Variants in RPTOR observed in about 807,000 individuals in gnomAD.
The protein encoded by RPTOR is regulatory associated protein of MTOR complex 1.
Under a neutral mutation model 169.9 loss-of-function variants are expected in RPTOR, and 21 were observed. That is an observed-to-expected ratio of 0.12 (90% CI 0.09 to 0.18). The LOEUF (loss-of-function observed/expected upper bound fraction) is 0.18, where lower values mean the gene tolerates loss of function less well. Ranked by LOEUF, RPTOR falls within the 10% of genes least tolerant of loss-of-function variation. The pLI is 1.00. For synonymous variants in RPTOR, 732 were observed against 753.2 expected, an observed-to-expected ratio of 0.97 and a Z score of 0.46; for missense variants, 1,133 against 1,855.9, an observed-to-expected ratio of 0.61 and a Z score of 7.16.
intron 2 of RPTOR, among the ~76,000 whole-genome samples, chr17:80,629,479 CGCTGTTGG>C (rs1567827968): frequency 2.3e-5 from 3 of 128,300 alleles, no homozygotes; most frequent in Admixed American, 8.1e-5. Context: ...CTATGTATTG[CGCTGTTGG>C]ACATTGTACC....
rs1226456124 is a variant in RPTOR, at chr17:80,711,744, C to CTTTTTTTTTTTTTTTTTTTTTTTTTTT, written c.507+3761_507+3762insTTTTTTTTTTTTTTTTTTTTTTTTTTT. ...AGTTAACATATAGTTATACATCAGT[C>CTTTTTTTTTTTTTTTTTTTTTTTTTTT]TTTTTTTTTTTTTTTTGAGGTTAAG... On this transcript the variant is annotated intron_variant, in intron 4 of 33. Transcript: ENST00000306801. Among the ~76,000 whole-genome samples the CTTTTTTTTTTTTTTTTTTTTTTTTTTT allele has an allele frequency of 1.1e-3, 99 of 88,810 alleles. 26 individuals carry two copies. Among genetic ancestry groups the CTTTTTTTTTTTTTTTTTTTTTTTTTTT allele is most frequent in the African/African-American group, 4.3e-3 (68 of 15,638 alleles). 58.3% of individuals were successfully genotyped at this position (88,810 alleles called of 152,430 possible).
At chr17:80,940,676 G>GC in intron 25 of RPTOR, 75 bp downstream of exon 25, 2 of 1,190,076 alleles carry the variant, frequency 1.7e-6, no homozygotes, top group South Asian at 1.4e-5. Flanking sequence ...CTGTGAGCAG[G>GC]CCCCCCGCGG....
intron 3 of RPTOR, among the ~76,000 whole-genome samples, chr17:80,683,283 G>T (rs761903863): frequency 6.6e-6 from 1 of 152,108 alleles, no homozygotes; most frequent in African/African-American, 2.4e-5. Flanking sequence ...CTCAGTTTGC[G>T]TTTTCCTCCT....
intron 7 of RPTOR, among the ~76,000 whole-genome samples, chr17:80,811,728 G>GCCATGC (rs2067275018): frequency 7.1e-6 from 1 of 140,980 alleles, no homozygotes; most frequent in Non-Finnish European, 1.5e-5. Flanking sequence ...AAGGGACACC[G>GCCATGC]CCTCTCTCCA....
intron 2 of RPTOR, among the ~76,000 whole-genome samples, chr17:80,632,376 G>A (rs1354915542): frequency 2.6e-5 from 4 of 152,216 alleles, no homozygotes; most frequent in Non-Finnish European, 4.4e-5. Context: ...TGTCATCTGA[G>A]GATCCAGTTG....
chr17:80,552,006 G>A (rs1414804952), intron 1 of RPTOR, among the ~76,000 whole-genome samples: 1 of 152,180 alleles, frequency 6.6e-6, no homozygotes, highest in Non-Finnish European at 1.5e-5. Flanking sequence ...TTAACCCTGA[G>A]TTTGACACAG....
intron 1 of RPTOR, among the ~76,000 whole-genome samples, chr17:80,577,450 C>G (rs557193698): frequency 6.6e-6 from 1 of 152,088 alleles, no homozygotes; most frequent in African/African-American, 2.4e-5. Context: ...GCAAGTTTTA[C>G]ATTTTTTTTA....
intron 10 of RPTOR, among the ~76,000 whole-genome samples, chr17:80,843,531 C>T (rs2067693492): frequency 6.6e-6 from 1 of 151,534 alleles, no homozygotes; most frequent in Admixed American, 6.6e-5. Context: ...TAAAGAGAAC[C>T]CTTCTGCAAA....
At chr17:80,684,413 T>A (rs2065920534) in intron 3 of RPTOR, among the ~76,000 whole-genome samples, 1 of 34,246 alleles carries the variant, frequency 2.9e-5, no homozygotes, top group Non-Finnish European at 1.0e-4. Flanking sequence ...TGTTTATTTA[T>A]TTATTTATTT....
intron 4 of RPTOR, among the ~76,000 whole-genome samples, chr17:80,720,724 C>T (rs1201871192): frequency 1.3e-5 from 2 of 152,212 alleles, no homozygotes; most frequent in African/African-American, 4.8e-5. Flanking sequence ...TTGAGTGCGC[C>T]CAGCATCACC....
At chr17:80,674,048 C>A (rs2065842624) in intron 3 of RPTOR, among the ~76,000 whole-genome samples, 1 of 152,154 alleles carries the variant, frequency 6.6e-6, no homozygotes, top group Non-Finnish European at 1.5e-5. Context: ...GGTGCATTGC[C>A]CCCATCAACT....
chr17:80,684,417 T>G (rs1262696020), intron 3 of RPTOR, among the ~76,000 whole-genome samples: 1 of 105,178 alleles, frequency 9.5e-6, no homozygotes, highest in African/African-American at 3.2e-5. Context: ...TATTTATTTA[T>G]TTATTTATTT....
intron 9 of RPTOR, among the ~76,000 whole-genome samples, chr17:80,824,981 C>T (rs995714307): frequency 1.3e-5 from 2 of 151,848 alleles, no homozygotes; most frequent in Admixed American, 6.6e-5. Flanking sequence ...ATCTAGAGGC[C>T]GCGTGGCGAG....
intron 1 of RPTOR, among the ~76,000 whole-genome samples, chr17:80,607,469 G>T (rs1480666383): frequency 2.0e-5 from 3 of 151,976 alleles, no homozygotes; most frequent in Admixed American, 6.6e-5. Context: ...TCTGTAACCT[G>T]TCCTGCTTTC....
At chr17:80,859,893 A>G (rs2067898267) in intron 13 of RPTOR, among the ~76,000 whole-genome samples, 1 of 152,212 alleles carries the variant, frequency 6.6e-6, no homozygotes, top group Admixed American at 6.5e-5. Context: ...AGCAGGGGCC[A>G]CATAGCTGCC....
rs776346134 is a variant in RPTOR at position 80,892,810 on chromosome 17, C to G, written c.2183C>G (p.Ala728Gly). ...RSVSSYGNIR[A>G]VATARSLNKS... is the part of the protein sequence containing the mutation. ...GTGAGCTCCTATGGAAACATCCGTG[C>G]TGTCGCCACAGCCAGGAGCCTCAAC... Residue 728 changes from alanine (A) to glycine (G), a missense_variant, in exon 19 of 34, where the codon GCT becomes GGT. Physicochemically the swap from Ala to Gly is moderately conservative, Grantham distance 60. Transcript: ENST00000306801. The G allele has an allele frequency of 6.2e-7, 1 of 1,614,272 alleles. No homozygotes were observed. Among genetic ancestry groups the G allele is most frequent in the Admixed American group, 1.7e-5 (1 of 60,036 alleles).
chr17:80,675,430 G>A (rs4255830), intron 3 of RPTOR, among the ~76,000 whole-genome samples: 74,400 of 152,014 alleles, frequency 0.49, 18,510 homozygotes, highest in East Asian at 0.6. Flanking sequence ...CCTCCTCTCT[G>A]TTTATTACTA....
chr17:80,895,908 G>A (rs1247788837), intron 20 of RPTOR, among the ~76,000 whole-genome samples: 2 of 152,100 alleles, frequency 1.3e-5, no homozygotes, highest in Admixed American at 6.5e-5. Flanking sequence ...TGAGTAGTTT[G>A]TAATCAGCAT....
intron 7 of RPTOR, among the ~76,000 whole-genome samples, chr17:80,813,668 G>A (rs930215238): frequency 5.3e-5 from 8 of 152,154 alleles, no homozygotes; most frequent in South Asian, 2.1e-4. Flanking sequence ...AAATTGCTCA[G>A]TTCACCTCCC....
Sources: allele counts gnomAD v4.1 joint callset (sites outside exome capture counted in the v4.1 genomes callset), GRCh38; gene constraint gnomAD v4.1.1; transcripts MANE v1.5; gene names NCBI Gene and HGNC (gene_info 2026-07-23, HGNC 2026-07-21).